The following PCDH15 variants were observed in gnomAD, a reference collection of about 807,000 sequenced individuals.
PCDH15 encodes protocadherin-15.
In PCDH15, 129 loss-of-function variants were observed where a neutral mutation model predicts 178.5. The ratio of observed to expected loss-of-function variants is 0.72; its 90% CI spans 0.63 to 0.84. The LOEUF (loss-of-function observed/expected upper bound fraction) is 0.84. Among genes scored for constraint, PCDH15 ranks in the 40% least tolerant of loss-of-function variants. PCDH15 has a pLI of 0.00. For missense variants in PCDH15, 2,230 were observed against 2,099.9 expected, an observed-to-expected ratio of 1.06 and a Z score of -1.21; for synonymous variants, 800 against 732.0, an observed-to-expected ratio of 1.09 and a Z score of -1.50.
intron 1 of PCDH15, among the ~76,000 whole-genome samples, chr10:54,799,435 T>C (rs552386260): frequency 2.9e-4 from 44 of 152,030 alleles, no homozygotes; most frequent in Non-Finnish European, 5.9e-4. Context: ...GGGTATACCA[T>C]ATTTTTAAAC....
At chr10:54,943,752 T>C (rs1838119008) in intron 2 of PCDH15, among the ~76,000 whole-genome samples, 1 of 151,862 alleles carries the variant, frequency 6.6e-6, no homozygotes, top group African/African-American at 2.4e-5. Context: ...TGGTGATTCC[T>C]CTGGTTAAGA....
intron 1 of PCDH15, among the ~76,000 whole-genome samples, chr10:55,203,154 T>C (rs1840302062): frequency 6.6e-6 from 1 of 152,060 alleles, no homozygotes; most frequent in Admixed American, 6.5e-5. Context: ...CCTGGACTCT[T>C]CTTGGTTCTG....
chr10:55,000,456 T>C (rs924818159), intron 2 of PCDH15, among the ~76,000 whole-genome samples: 7 of 152,210 alleles, frequency 4.6e-5, no homozygotes, highest in African/African-American at 1.7e-4. Context: ...TTTTTCAAGG[T>C]GCCCAGATTT....
intron 8 of PCDH15, among the ~76,000 whole-genome samples, chr10:54,288,061 T>C (rs2059148558): frequency 6.6e-6 from 1 of 152,132 alleles, no homozygotes; most frequent in African/African-American, 2.4e-5. Context: ...TGGTGGCTCA[T>C]GCCTGTAATC....
chr10:55,447,564 A>C (rs933492897), intron 2 of PCDH15, among the ~76,000 whole-genome samples: 1 of 152,100 alleles, frequency 6.6e-6, no homozygotes, highest in African/African-American at 2.4e-5. Context: ...CGGAAACAAG[A>C]AAATGGTATC....
At chr10:54,082,317 T>C (rs1296526181) in intron 16 of PCDH15, among the ~76,000 whole-genome samples, 2 of 152,164 alleles carry the variant, frequency 1.3e-5, no homozygotes, top group Non-Finnish European at 2.9e-5. Flanking sequence ...AGGCGTATAA[T>C]AGAGTGCCAA....
intron 13 of PCDH15, among the ~76,000 whole-genome samples, chr10:54,181,947 T>C (rs4529813): frequency 6.6e-6 from 1 of 151,858 alleles, no homozygotes; most frequent in African/African-American, 2.4e-5. Context: ...ACATTTTGCT[T>C]GTTTGTTTGT....
intron 1 of PCDH15, among the ~76,000 whole-genome samples, chr10:54,696,517 C>T (rs1225388261): frequency 6.6e-6 from 1 of 152,052 alleles, no homozygotes; most frequent in Non-Finnish European, 1.5e-5. Flanking sequence ...TTTGAGAGGA[C>T]TGACTCCCAT....
intron 2 of PCDH15, among the ~76,000 whole-genome samples, chr10:55,340,376 C>G (rs1844519868): frequency 6.6e-6 from 1 of 151,846 alleles, no homozygotes; most frequent in African/African-American, 2.4e-5. Context: ...ATTGTTGCAG[C>G]ATCTCCTACA....
chr10:54,999,717 C>T (rs944344851), intron 2 of PCDH15, among the ~76,000 whole-genome samples: 3 of 152,142 alleles, frequency 2.0e-5, no homozygotes, highest in Admixed American at 6.5e-5. Context: ...GAAAATTCAG[C>T]CAGATATCGG....
intron 21 of PCDH15, among the ~76,000 whole-genome samples, chr10:53,964,911 T>G (rs1377260073): frequency 2.6e-5 from 4 of 152,162 alleles, no homozygotes; most frequent in South Asian, 2.1e-4. Context: ...TCATGCAATG[T>G]CAGCAACTTT....
chr10:54,153,352 G>T, intron 13 of PCDH15, 59 bp from the exon 14 acceptor site: 2 of 1,572,930 alleles, frequency 1.3e-6, no homozygotes, highest in Non-Finnish European at 8.7e-7. Context: ...CCACCATGTC[G>T]TTTTTTCCCC....
chr10:54,676,179 A>G (rs1461899219), intron 1 of PCDH15, among the ~76,000 whole-genome samples: 1 of 152,012 alleles, frequency 6.6e-6, no homozygotes, highest in African/African-American at 2.4e-5. Context: ...GAACTTAGAT[A>G]AAATATATGC....
intron 10 of PCDH15, among the ~76,000 whole-genome samples, chr10:54,206,752 CAA>C (rs1166782869): frequency 6.6e-6 from 1 of 151,898 alleles, no homozygotes; most frequent in East Asian, 1.9e-4. Flanking sequence ...CAAAAAATAA[CAA>C]AGAGTTTTAG....
chr10:55,258,089 G>A (rs1340484589), intron 1 of PCDH15, among the ~76,000 whole-genome samples: 10 of 152,150 alleles, frequency 6.6e-5, no homozygotes, highest in African/African-American at 2.4e-5. Flanking sequence ...TAGAAGATTA[G>A]CAGTTAAAGT....
rs1939854642 is a variant in PCDH15 at position 54,332,296 on chromosome 10, A to ATATATTATTATATATAATATAATAAAAT, written c.595-2591_595-2590insATTTTATTATATTATATATAATAATATA. Among the ~76,000 whole-genome samples the ATATATTATTATATATAATATAATAAAAT allele has an allele frequency of 4.4e-4, 35 of 79,314 alleles. 1 individual carries two copies. Among genetic ancestry groups the ATATATTATTATATATAATATAATAAAAT allele is most frequent in the African/African-American group, 7.3e-4 (16 of 21,870 alleles). 52.0% of individuals were successfully genotyped at this position (79,314 alleles called of 152,430 possible). A position where few individuals can be genotyped will look rare whatever the true frequency, so the allele number is the denominator to read the frequency against. Reference sequence around the variant, plus strand: ...TATATAATATAATATAATCTATATTACATATTATTATATATAATATAATAT... The same window carrying ATATATTATTATATATAATATAATAAAAT: ...TATATAATATAATATAATCTATATTATATATTATTATATATAATATAATAAAATCATATTATTATATATAATATAATAT... On this transcript the variant is annotated intron_variant, in intron 6 of 37. Transcript: ENST00000644397.
intron 1 of PCDH15, among the ~76,000 whole-genome samples, chr10:55,235,483 C>T (rs1333368769): frequency 6.6e-6 from 1 of 152,086 alleles, no homozygotes; most frequent in Non-Finnish European, 1.5e-5. Flanking sequence ...CCAGAAAGTT[C>T]TCATTCAATA....
At chr10:54,422,814 G>A (rs1033944114) in intron 3 of PCDH15, among the ~76,000 whole-genome samples, 2 of 152,140 alleles carry the variant, frequency 1.3e-5, no homozygotes, top group African/African-American at 4.8e-5. Flanking sequence ...AGTTAGGGCA[G>A]CAGAGAACTC....
chr10:54,438,079 T>G (rs142198158), intron 3 of PCDH15, among the ~76,000 whole-genome samples: 1 of 152,140 alleles, frequency 6.6e-6, no homozygotes, highest in East Asian at 1.9e-4. Context: ...GCATGTAAAT[T>G]AAAACTACAA....
Sources: gnomAD v4.1 joint callset for allele counts (sites outside exome capture counted in the v4.1 genomes callset) on GRCh38, gnomAD v4.1.1 for gene constraint, MANE v1.5 for transcripts, NCBI Gene and HGNC (gene_info 2026-07-23, HGNC 2026-07-21) for gene names.